Variants in FBLN2 observed in about 807,000 individuals in gnomAD.
FBLN2 encodes the protein fibulin-2.
FBLN2 carries 81 observed loss-of-function variants against 123.7 expected under a neutral mutation model. The ratio of observed to expected loss-of-function variants is 0.65; its 90% confidence interval spans 0.55 to 0.79. The LOEUF is 0.79. Ranked by LOEUF, FBLN2 falls within the 30% of genes least tolerant of loss-of-function variation. FBLN2 has a pLI of 0.00. For synonymous variants in FBLN2, 699 were observed against 701.4 expected (o/e 1.00, Z 0.05); for missense variants, 1,603 against 1,681.3 (o/e 0.95, Z 0.81).
chr3:13,601,283 C>T lies in FBLN2; in HGVS notation c.1307-6779C>T, dbSNP rs542652697. Among the ~76,000 whole-genome samples the T allele has an allele frequency of 9.8e-5, 15 of 152,342 alleles. No individual in the cohort carries two copies. The South Asian group carries it at 3.1e-3, about 32-fold the overall frequency. ...AGGTTTAGGGAGGAAGGATTCGGTC[C>T]TGTAGAAGAATGTTGTGAGTCTGAG... is the stretch of plus-strand genomic sequence containing the variant. On this transcript the variant is annotated intron_variant, in intron 2 of 17. Transcript: ENST00000404922.
intron 1 of FBLN2, among the ~76,000 whole-genome samples, chr3:13,551,164 G>A (rs115548431): frequency 0.017 from 2,527 of 152,322 alleles, 76 homozygotes; most frequent in African/African-American, 0.057. Context: ...GGCTGATTTT[G>A]CTCCATTGCC....
rs370822050 is a variant in FBLN2 at position 13,571,177 on chromosome 3, C to T, written c.822C>T (p.Thr274=). The T allele has an allele frequency of 2.7e-5, 42 of 1,564,760 alleles. No individual in the cohort carries two copies. The highest frequency in any genetic ancestry group is 2.0e-4 in the African/African-American group (15 of 73,558). ...APVQAKARRV[T]EDSEEEEEEE... Reference sequence around the variant, plus strand: ...TGCAGGCCAAAGCTAGGAGAGTGACCGAGGACAGTGAGGAGGAAGAAGAGG... The same window carrying T: ...TGCAGGCCAAAGCTAGGAGAGTGACTGAGGACAGTGAGGAGGAAGAAGAGG... Residue 274 remains threonine (T), a synonymous_variant, in exon 2 of 18, where the codon ACC becomes ACT. Transcript: ENST00000404922.
intron 2 of FBLN2, among the ~76,000 whole-genome samples, chr3:13,574,777 G>A (rs1404144425): frequency 6.6e-6 from 1 of 152,018 alleles, no homozygotes; most frequent in Non-Finnish European, 1.5e-5. Flanking sequence ...ATCCCCCAAG[G>A]CCTCCCCCAA....
At chr3:13,609,688 G>GGGCCC in intron 4 of FBLN2, 46 bp downstream of exon 4, 1 of 512,604 alleles carries the variant, frequency 2.0e-6, no homozygotes, top group Non-Finnish European at 3.6e-6. Flanking sequence ...GTGGGGCGGG[G>GGGCCC]CGGGAGGCTG....
chr3:13,636,429 C>T lies in FBLN2; in HGVS notation c.3215-16C>T, dbSNP rs758367121. 1.9e-6 allele frequency: 3 copies of T among 1,612,674 alleles called. No homozygotes were observed. The highest frequency in any genetic ancestry group is 2.5e-6 in the Non-Finnish European group (3 of 1,179,296). ...CCAGCTGTGGGGACCCTGCCATTGC[C>T]CCTCTTCTCCCCCAGACGTGGATGA... On this transcript the variant is annotated splice_polypyrimidine_tract_variant and intron_variant, in intron 16 of 17. Coordinates refer to ENST00000404922, the MANE Select transcript of FBLN2 (RefSeq NM_001004019.2).
rs1193361587 is a variant in FBLN2, at chr3:13,626,435, C to A, written c.2297-10C>A. 1.9e-6 allele frequency: 3 copies of A among 1,570,668 alleles called. No individual in the cohort carries two copies. The highest frequency in any genetic ancestry group is 2.7e-5 in the African/African-American group (2 of 74,098). ...CTCTGCAGCCTCTGATGGCCTCGCT[C>A]TCCCTGCAGACATCAACGAGTGTGT... On this transcript the variant is annotated splice_polypyrimidine_tract_variant and intron_variant, in intron 9 of 17. Transcript: ENST00000404922.
chr3:13,584,285 C>A (rs530131363), intron 2 of FBLN2, among the ~76,000 whole-genome samples: 1 of 152,342 alleles, frequency 6.6e-6, no homozygotes, highest in Non-Finnish European at 1.5e-5. Context: ...TCTCCCTCTG[C>A]CACCCCTCCT....
intron 1 of FBLN2, among the ~76,000 whole-genome samples, chr3:13,561,132 G>C (rs1462701903): frequency 2.0e-5 from 3 of 152,144 alleles, no homozygotes; most frequent in Non-Finnish European, 4.4e-5. Flanking sequence ...GACAACTCCT[G>C]CTTGACTTTC....
chr3:13,584,558 C>A (rs1469891163), intron 2 of FBLN2, among the ~76,000 whole-genome samples: 1 of 152,296 alleles, frequency 6.6e-6, no homozygotes, highest in Admixed American at 6.5e-5. Context: ...GCAGGGGAGA[C>A]TGGTGAGAGC....
intron 2 of FBLN2, among the ~76,000 whole-genome samples, chr3:13,599,938 C>T (rs2124868498): frequency 6.7e-6 from 1 of 150,236 alleles, no homozygotes; most frequent in East Asian, 2.0e-4. Context: ...ATCAGCCAGG[C>T]CAGCGTGTGT....
intron 4 of FBLN2, 46 bp from the exon 5 acceptor site, chr3:13,613,938 A>G: frequency 6.3e-7 from 1 of 1,586,172 alleles, no homozygotes; most frequent in Non-Finnish European, 8.6e-7. Context: ...GCCTAGCTCC[A>G]GGCTGGGGCC....
Position 13,637,625 on chromosome 3 carries a change from G to A in FBLN2, c.3402G>A (p.Thr1134=), listed in dbSNP as rs372392365. 148 of 1,613,784 alleles carry A rather than the reference G, an allele frequency of 9.2e-5. No individual in the cohort carries two copies. Among genetic ancestry groups the A allele is most frequent in the Non-Finnish European group, 1.2e-4 (143 of 1,179,878 alleles). The change falls in exon 18 of 18, where the codon ACG becomes ACA. Residue 1134 remains threonine, a synonymous_variant. Transcript: ENST00000404922. ...GCCAGAACTCGCCAGCGCGCATCAC[G>A]CACTACCAGCTCAACTTCCAGACGG... ...LECQNSPARI[T]HYQLNFQTGL...
chr3:13,576,541 G>A (rs1383111599), intron 2 of FBLN2, among the ~76,000 whole-genome samples: 1 of 152,248 alleles, frequency 6.6e-6, no homozygotes, highest in East Asian at 1.9e-4. Context: ...GGAGCTGGGG[G>A]AGGGGGATGA....
intron 2 of FBLN2, among the ~76,000 whole-genome samples, chr3:13,575,579 A>G (rs1055746828): frequency 6.6e-6 from 1 of 152,124 alleles, no homozygotes; most frequent in Non-Finnish European, 1.5e-5. Context: ...TAAAAAATCT[A>G]TTTGAGAAAG....
intron 4 of FBLN2, 46 bp downstream of exon 4, chr3:13,609,688 G>GGGGGC: frequency 1.8e-5 from 9 of 512,596 alleles, no homozygotes; most frequent in East Asian, 6.7e-5. Context: ...GTGGGGCGGG[G>GGGGGC]CGGGAGGCTG....
intron 2 of FBLN2, among the ~76,000 whole-genome samples, chr3:13,593,542 C>T (rs1349895819): frequency 5.9e-5 from 9 of 151,974 alleles, no homozygotes; most frequent in Admixed American, 1.3e-4. Flanking sequence ...GGTGAAACCC[C>T]GTCTCTACTA....
chr3:13,605,026 C>G (rs1705157684), intron 2 of FBLN2, among the ~76,000 whole-genome samples: 1 of 152,198 alleles, frequency 6.6e-6, no homozygotes, highest in African/African-American at 2.4e-5. Context: ...AGTCCTCATA[C>G]AGAGAAGGAC....
At chr3:13,622,077 C>T (rs557901058) in intron 9 of FBLN2, among the ~76,000 whole-genome samples, 162 bp downstream of exon 9, 2 of 152,194 alleles carry the variant, frequency 1.3e-5, no homozygotes, top group Non-Finnish European at 2.9e-5. Flanking sequence ...TGTGTCCTGG[C>T]GTCTTGTCCC....
chr3:13,606,304 A>G lies in FBLN2; in HGVS notation c.1307-1758A>G, dbSNP rs578060220. The stretch of plus-strand genomic sequence containing the variant: ...TGTCAGTTTTGGACATTCCAGAAAC[A>G]TTTCTTAATATGTCAGCAGTCTATT... On this transcript the variant is annotated intron_variant, in intron 2 of 17. Coordinates refer to ENST00000404922, the MANE Select transcript of FBLN2 (RefSeq NM_001004019.2). Among the ~76,000 whole-genome samples, 182 of 152,346 alleles carry G rather than the reference A, an allele frequency of 1.2e-3. 2 individuals carry two copies. The highest frequency in any genetic ancestry group is 4.0e-3 in the Admixed American group (61 of 15,314).
Sources: allele counts gnomAD v4.1 joint callset (sites outside exome capture counted in the v4.1 genomes callset), GRCh38; gene constraint gnomAD v4.1.1; transcripts MANE v1.5; gene names NCBI Gene and HGNC (gene_info 2026-07-23, HGNC 2026-07-21).